The following MFN2 variants were observed in gnomAD, a reference collection of about 807,000 sequenced individuals.
The protein encoded by MFN2 is mitofusin-2.
MFN2 carries 43 observed loss-of-function variants against 87.5 expected under a neutral mutation model. That is an observed-to-expected ratio of 0.49 (90% CI 0.38 to 0.63). The LOEUF is 0.63. Ranked by LOEUF, MFN2 falls within the 30% of genes least tolerant of loss-of-function variation. The pLI is 0.00. For missense variants in MFN2, 743 were observed against 972.8 expected, an observed-to-expected ratio of 0.76 and a Z score of 3.14; for synonymous variants, 337 against 359.9, an observed-to-expected ratio of 0.94 and a Z score of 0.72.
chr1:12,007,641 G>A (rs1260933135), intron 17 of MFN2, among the ~76,000 whole-genome samples: 1 of 152,178 alleles, frequency 6.6e-6, no homozygotes, highest in African/African-American at 2.4e-5. Flanking sequence ...CTGGGGTGGT[G>A]GGGATGAATA....
rs994622836 is a variant in MFN2 at position 12,004,137 on chromosome 1, G to A, written c.1287+19G>A. On this transcript the variant is annotated intron_variant, in intron 12 of 18. Coordinates refer to ENST00000235329, the MANE Select transcript of MFN2 (RefSeq NM_014874.4). The surrounding 1 kb of genome is among the most constrained non-coding windows in gnomAD (Gnocchi z 4.2). ...GAGGCAGGTGAGAAATGAGGAGGAG[G>A]CATTCTGGGAAGATTTGGACTCCGA... 1.2e-6 allele frequency: 2 copies of A among 1,613,422 alleles called. No homozygotes were observed. Among genetic ancestry groups the A allele is most frequent in the East Asian group, 4.5e-5 (2 of 44,874 alleles).
At chr1:11,998,102 T>C (rs2100829511) in intron 6 of MFN2, among the ~76,000 whole-genome samples, 1 of 150,518 alleles carries the variant, frequency 6.6e-6, no homozygotes, top group South Asian at 2.2e-4. Flanking sequence ...CAGGCTGGTC[T>C]TGAACTGCTG....
At chr1:11,987,086 G>C (rs1447189230) in intron 2 of MFN2, among the ~76,000 whole-genome samples, 1 of 152,106 alleles carries the variant, frequency 6.6e-6, no homozygotes, top group Admixed American at 6.5e-5. Flanking sequence ...GAAGCAGATG[G>C]ATCACTTGAG....
At chr1:12,011,349 T>A in intron 18 of MFN2, 147 bp from the exon 19 acceptor site, 2 of 853,690 alleles carry the variant, frequency 2.3e-6, no homozygotes, top group South Asian at 2.9e-5. Context: ...GGCCTCCTTT[T>A]CCCCATCTGT....
intron 4 of MFN2, among the ~76,000 whole-genome samples, chr1:11,995,220 C>T (rs1374178047): frequency 3.3e-5 from 5 of 151,902 alleles, no homozygotes; most frequent in African/African-American, 1.2e-4. Context: ...ATATTCATGC[C>T]ACACGCTACT....
chr1:11,993,283 T>C (rs1453378036), intron 4 of MFN2, among the ~76,000 whole-genome samples: 1 of 151,510 alleles, frequency 6.6e-6, no homozygotes, highest in African/African-American at 2.4e-5. Flanking sequence ...CTTACATGAA[T>C]TTAATACACG....
At chr1:11,984,574 T>G (rs1247634629) in intron 2 of MFN2, among the ~76,000 whole-genome samples, 1 of 152,204 alleles carries the variant, frequency 6.6e-6, no homozygotes, top group African/African-American at 2.4e-5. Context: ...TTGTTATGGT[T>G]TTTTGATATA....
intron 4 of MFN2, 75 bp from the exon 5 acceptor site, chr1:11,996,080 AG>A: frequency 6.3e-7 from 1 of 1,597,778 alleles, no homozygotes. Flanking sequence ...TTGGCCTTCC[AG>A]GCTGGTATCT....
At chr1:11,992,712 CCTTT>C (rs1569816786) in intron 4 of MFN2, 22 bp downstream of exon 4, 2 of 1,614,132 alleles carry the variant, frequency 1.2e-6, no homozygotes, top group Non-Finnish European at 8.5e-7. Context: ...AGGCACCCAC[CCTTT>C]CTTTCTTCCT....
At chr1:11,996,427 G>A in intron 5 of MFN2, 109 bp downstream of exon 5, 3 of 1,307,280 alleles carry the variant, frequency 2.3e-6, no homozygotes, top group South Asian at 2.5e-5. Flanking sequence ...ACCCTGTGGA[G>A]GTGAATGGGA....
intron 10 of MFN2, 35 bp downstream of exon 10, chr1:12,001,871 T>G: frequency 1.2e-6 from 2 of 1,613,732 alleles, no homozygotes; most frequent in Non-Finnish European, 1.7e-6. Context: ...GGCGATTCTG[T>G]GCCTCCCCAG....
At chr1:11,987,672 G>A (rs147257050) in intron 2 of MFN2, among the ~76,000 whole-genome samples, 3,469 of 149,596 alleles carry the variant, frequency 0.023, 126 homozygotes, top group African/African-American at 0.08. Flanking sequence ...GGTGGCTCAC[G>A]CCTTTAATCC....
intron 6 of MFN2, among the ~76,000 whole-genome samples, chr1:11,997,736 G>C (rs532628963): frequency 1.9e-4 from 29 of 152,226 alleles, no homozygotes; most frequent in African/African-American, 6.5e-4. Context: ...AGTTGTGGCG[G>C]AGTCAGAGGT....
chr1:11,989,252 A>C lies in MFN2; in HGVS notation c.84A>C (p.Pro28=), dbSNP rs554067157. 10 of 1,614,066 alleles carry C rather than the reference A, an allele frequency of 6.2e-6. No homozygotes were observed. In the South Asian group the frequency reaches 7.7e-5, roughly 12 times the overall value. The change falls in exon 3 of 19, where the codon CCA becomes CCC. Residue 28 remains proline (P), a synonymous_variant. Transcript: ENST00000235329. ...ACATGGCTGAGGTGAATGCATCCCC[A>C]CTTAAGCACTTTGTCACTGCCAAGA... ...KRHMAEVNAS[P]LKHFVTAKKK...
intron 18 of MFN2, among the ~76,000 whole-genome samples, chr1:12,009,999 C>A (rs1639620383): frequency 6.6e-6 from 1 of 152,114 alleles, no homozygotes; most frequent in Non-Finnish European, 1.5e-5. Context: ...ACTAAAAATA[C>A]AAAGATTAGC....
intron 2 of MFN2, among the ~76,000 whole-genome samples, chr1:11,984,811 C>A (rs1638322687): frequency 6.6e-6 from 1 of 152,204 alleles, no homozygotes; most frequent in South Asian, 2.1e-4. Flanking sequence ...TAGAGAGAGG[C>A]CTGCTCAGGG....
At chr1:11,994,989 A>T (rs1007435690) in intron 4 of MFN2, among the ~76,000 whole-genome samples, 4 of 151,972 alleles carry the variant, frequency 2.6e-5, no homozygotes, top group African/African-American at 9.7e-5. Context: ...CACACCTGTA[A>T]TCTCAGCACT....
intron 16 of MFN2, 127 bp downstream of exon 16, chr1:12,006,820 G>T (rs939250892): frequency 4.2e-6 from 6 of 1,414,256 alleles, no homozygotes; most frequent in Non-Finnish European, 5.9e-6. Flanking sequence ...TTTCTCCTCT[G>T]TGATTGCATG....
At chr1:11,995,359 A>C (rs1341576919) in intron 4 of MFN2, among the ~76,000 whole-genome samples, 1 of 152,208 alleles carries the variant, frequency 6.6e-6, no homozygotes. Context: ...TAGGCTGGGC[A>C]TGGTGGCTCA....
Sources: allele counts gnomAD v4.1 joint callset (sites outside exome capture counted in the v4.1 genomes callset), GRCh38; gene constraint gnomAD v4.1.1; non-coding constraint Gnocchi (gnomAD v3.1); transcripts MANE v1.5; gene names NCBI Gene and HGNC (gene_info 2026-07-23, HGNC 2026-07-21).